AVL9: variants seen among roughly 807,000 people sequenced by gnomAD.
AVL9 encodes late secretory pathway protein AVL9 homolog.
Under a neutral mutation model 79.2 loss-of-function variants are expected in AVL9, and 49 were observed. That is an observed-to-expected ratio of 0.62 (90% confidence interval 0.49 to 0.79). AVL9 has a LOEUF of 0.79. Ranked by LOEUF, AVL9 falls within the 30% of genes least tolerant of loss-of-function variation. AVL9 has a pLI of 0.00. For missense variants in AVL9, 682 were observed against 776.8 expected, an observed-to-expected ratio of 0.88 and a Z score of 1.45; for synonymous variants, 299 against 280.6, an observed-to-expected ratio of 1.07 and a Z score of -0.65.
intron 13 of AVL9, among the ~76,000 whole-genome samples, chr7:32,579,573 AT>A (rs373225399): frequency 0.016 from 17 of 1,052 alleles, 5 homozygotes; most frequent in African/African-American, 0.055. Context: ...TATATATTAT[AT>A]TATATATTAT....
At chr7:32,508,349 CTAAG>C (rs1787504859) in intron 1 of AVL9, among the ~76,000 whole-genome samples, 1 of 152,106 alleles carries the variant, frequency 6.6e-6, no homozygotes, top group African/African-American at 2.4e-5. Flanking sequence ...AATAAAAATA[CTAAG>C]TGAGCTGCAT....
In AVL9 at chr7:32,538,458, A is replaced by C. The variant is rs555399076; in HGVS notation, c.94-4683A>C. On this transcript the variant is annotated intron_variant, in intron 1 of 15. Transcript: ENST00000318709. ...GTACACATACAACACAGCTAGAACA[A>C]GTGTGGCTAAAAAAAGCAATGCAGT... is the stretch of plus-strand genomic sequence containing the variant. 3 of 152,376 alleles carry C rather than the reference A, an allele frequency of 2.0e-5. No individual in the cohort carries two copies. In the South Asian group the frequency reaches 6.2e-4, roughly 32 times the overall value. The allele number at this position is 152,376 out of a possible 1,614,324, so 9.4% of individuals were successfully genotyped here. A position where few individuals can be genotyped will look rare whatever the true frequency, so the allele number is the denominator to read the frequency against.
intron 8 of AVL9, among the ~76,000 whole-genome samples, chr7:32,555,931 CAG>C (rs1315962489): frequency 6.6e-6 from 1 of 152,056 alleles, no homozygotes; most frequent in Non-Finnish European, 1.5e-5. Context: ...GAGTCTATCA[CAG>C]AATAATAAAT....
At chr7:32,579,415 T>C (rs1427778900) in intron 13 of AVL9, among the ~76,000 whole-genome samples, 486 of 8,612 alleles carry the variant, frequency 0.056, 203 homozygotes, top group Non-Finnish European at 0.087. Context: ...ATATATAATA[T>C]GTTATATATA....
intron 10 of AVL9, among the ~76,000 whole-genome samples, chr7:32,567,636 C>T (rs1790642113): frequency 6.6e-6 from 1 of 152,018 alleles, no homozygotes; most frequent in African/African-American, 2.4e-5. Flanking sequence ...CATATTTTCC[C>T]CTCCCTTTTT....
intron 1 of AVL9, among the ~76,000 whole-genome samples, chr7:32,505,796 A>T (rs1787388512): frequency 6.6e-6 from 1 of 152,178 alleles, no homozygotes; most frequent in Non-Finnish European, 1.5e-5. Context: ...TATTTTCCAC[A>T]TACTGTTCTA....
intron 6 of AVL9, among the ~76,000 whole-genome samples, chr7:32,552,543 A>T (rs1038943758): frequency 2.0e-5 from 3 of 151,820 alleles, no homozygotes; most frequent in African/African-American, 7.3e-5. Context: ...TTTGAGACAA[A>T]CTACCTCAAT....
At chr7:32,555,703 T>C (rs948932634) in intron 8 of AVL9, among the ~76,000 whole-genome samples, 5 of 152,208 alleles carry the variant, frequency 3.3e-5, no homozygotes, top group Non-Finnish European at 7.4e-5. Context: ...CACCAGCCTT[T>C]GGTTTAGACT....
In AVL9 at chr7:32,553,802, C is replaced by T. The variant is rs1789945937; in HGVS notation, c.570+35C>T. ...CTTATTTAAATAAATTTATGATGTACAGTACTAAAATGGCCAACACTGTTC... is the reference window on the plus strand; with the variant it reads ...CTTATTTAAATAAATTTATGATGTATAGTACTAAAATGGCCAACACTGTTC... On this transcript the variant is annotated intron_variant, in intron 7 of 15. Coordinates refer to ENST00000318709, the MANE Select transcript of AVL9 (RefSeq NM_015060.3). 3 of 1,530,792 alleles carry T rather than the reference C, an allele frequency of 2.0e-6. No homozygotes were observed. The East Asian group carries it at 6.7e-5, about 34-fold the overall frequency. 94.8% of individuals were successfully genotyped at this position (1,530,792 alleles called of 1,614,324 possible).
chr7:32,548,959 T>C (rs752556957), intron 4 of AVL9, 41 bp downstream of exon 4: 4 of 1,330,418 alleles, frequency 3.0e-6, no homozygotes, highest in African/African-American at 1.5e-5. Flanking sequence ...TAAACCTTCA[T>C]GGCAGATCTT....
intron 13 of AVL9, among the ~76,000 whole-genome samples, chr7:32,577,263 G>T (rs1483069522): frequency 6.6e-6 from 1 of 152,116 alleles, no homozygotes; most frequent in African/African-American, 2.4e-5. Context: ...TGAACCCACG[G>T]TTTCGAGGCC....
rs1278670017 is a variant in AVL9, at chr7:32,503,367, T to TACACACACACACACACACACACACAC, written c.93+7566_93+7567insCACACACACACACACACACACACACA. Among the ~76,000 whole-genome samples the TACACACACACACACACACACACACAC allele has an allele frequency of 6.8e-3, 596 of 88,066 alleles. 15 individuals carry two copies. The highest frequency in any genetic ancestry group is 9.4e-3 in the Non-Finnish European group (435 of 46,260). The allele number at this position is 88,066 out of a possible 152,430, so 57.8% of individuals were successfully genotyped here. A position where few individuals can be genotyped will look rare whatever the true frequency, so the allele number is the denominator to read the frequency against. On this transcript the variant is annotated intron_variant, in intron 1 of 15. Transcript: ENST00000318709. ...ATAGATATAGATATAGAGAGATATA[T>TACACACACACACACACACACACACAC]ATATATACACACACACACACACACA...
intron 1 of AVL9, among the ~76,000 whole-genome samples, chr7:32,503,108 G>C (rs1381891842): frequency 6.6e-6 from 1 of 151,690 alleles, no homozygotes; most frequent in Non-Finnish European, 1.5e-5. Flanking sequence ...TTTGTTTCTG[G>C]TTCTTGGCAG....
At position 32,548,855 on chromosome 7, in the gene AVL9, A is replaced by G. The variant is rs1789659660; in HGVS notation, c.309A>G (p.Lys103=). ...CTCTTTGTTCATAATAGGCACTGAA[A>G]GTAAGGCAAGCAGATATCACCAGAG... ...CYRQIEAKAL[K]VRQADITRET... Residue 103 remains lysine (K), a synonymous_variant, in exon 4 of 16, where the codon AAA becomes AAG. Coordinates refer to ENST00000318709, the MANE Select transcript of AVL9 (RefSeq NM_015060.3). 6.4e-7 allele frequency: 1 copy of G among 1,570,200 alleles called. No individual in the cohort carries two copies. Among genetic ancestry groups the G allele is most frequent in the Non-Finnish European group, 8.6e-7 (1 of 1,161,598 alleles).
chr7:32,550,971 C>A (rs1414731921), intron 4 of AVL9, among the ~76,000 whole-genome samples: 2 of 152,090 alleles, frequency 1.3e-5, no homozygotes, highest in Non-Finnish European at 2.9e-5. Flanking sequence ...AGTGCTTTTA[C>A]CTGTTATTTA....
chr7:32,519,342 C>A (rs532624123), intron 1 of AVL9, among the ~76,000 whole-genome samples: 6 of 151,810 alleles, frequency 4.0e-5, no homozygotes, highest in African/African-American at 1.4e-4. Flanking sequence ...GCAGGAGAAT[C>A]GCTTGAACCT....
rs76169214 is a variant in AVL9, at chr7:32,501,947, T to A, written c.93+6145T>A. 3.3e-5 allele frequency among the ~76,000 whole-genome samples: 5 copies of A among 152,302 alleles called. No individual in the cohort carries two copies. In the East Asian group the frequency reaches 5.8e-4, roughly 18 times the overall value. On this transcript the variant is annotated intron_variant, in intron 1 of 15. Transcript: ENST00000318709. ...CTTAATTTTAAGACTGCTCCTTTTT[T>A]ATATGGATTAAGAACTCAGGTTCTC...
intron 15 of AVL9, 126 bp downstream of exon 15, chr7:32,581,016 GTTT>G (rs1791479127): frequency 3.8e-6 from 3 of 785,236 alleles, no homozygotes; most frequent in Non-Finnish European, 6.0e-6. Flanking sequence ...TAATACAAGA[GTTT>G]TTTAAATTTT....
intron 1 of AVL9, among the ~76,000 whole-genome samples, chr7:32,500,224 A>T (rs189329793): frequency 5.9e-5 from 9 of 152,174 alleles, no homozygotes; most frequent in African/African-American, 1.9e-4. Flanking sequence ...GTGTAAAAGC[A>T]TTCCTATTTC....
Sources: allele counts gnomAD v4.1 joint callset (sites outside exome capture counted in the v4.1 genomes callset), GRCh38; gene constraint gnomAD v4.1.1; transcripts MANE v1.5; gene names NCBI Gene and HGNC (gene_info 2026-07-23, HGNC 2026-07-21).